SCUBE1: variants seen among roughly 807,000 people sequenced by gnomAD.
SCUBE1 encodes signal peptide, CUB and EGF-like domain-containing protein 1.
SCUBE1 carries 59 observed loss-of-function variants against 124.4 expected under a neutral mutation model. The observed-to-expected ratio is 0.47, with a 90% CI of 0.38 to 0.59. The LOEUF is 0.59. SCUBE1 is among the 20% of genes least tolerant of loss of function. SCUBE1 has a pLI of 0.00. For synonymous variants in SCUBE1, 545 were observed against 550.9 expected (o/e 0.99, Z 0.15); for missense variants, 1,150 against 1,371.2 (o/e 0.84, Z 2.55).
intron 3 of SCUBE1, among the ~76,000 whole-genome samples, chr22:43,301,256 C>T (rs1238439062): frequency 6.6e-6 from 1 of 152,168 alleles, no homozygotes; most frequent in African/African-American, 2.4e-5. Flanking sequence ...TCCCTGCCTC[C>T]ATCCTGCCTC....
rs900245581 is a variant in SCUBE1, at chr22:43,335,479, T to C, written c.220+3625A>G. 5.3e-5 allele frequency among the ~76,000 whole-genome samples: 8 copies of C among 152,236 alleles called. 1 individual carries two copies. The highest frequency in any genetic ancestry group is 1.9e-4 in the East Asian group (1 of 5,178). On this transcript the variant is annotated intron_variant, in intron 2 of 21. Coordinates refer to ENST00000360835, the MANE Select transcript of SCUBE1 (RefSeq NM_173050.5). ...GCCCATAACCAAACGATGTCCTCCTTTTGGTTCCTAACAATTGTTCTCATA... is the reference window on the plus strand; with the variant it reads ...GCCCATAACCAAACGATGTCCTCCTCTTGGTTCCTAACAATTGTTCTCATA...
At chr22:43,207,071 C>CT (rs1416274264) in intron 21 of SCUBE1, among the ~76,000 whole-genome samples, 1 of 152,204 alleles carries the variant, frequency 6.6e-6, no homozygotes, top group African/African-American at 2.4e-5. Flanking sequence ...CCCCAGGCCT[C>CT]TGGCCAGTAC....
chr22:43,295,243 T>C (rs1228663156), intron 3 of SCUBE1, among the ~76,000 whole-genome samples: 2 of 152,054 alleles, frequency 1.3e-5, no homozygotes, highest in Non-Finnish European at 2.9e-5. Flanking sequence ...CTCCGTGTAG[T>C]CTTTCTGGTG....
At chr22:43,280,517 G>GCTGTCCCTTCCCCTCACCCCTCCTC (rs1924750927) in intron 4 of SCUBE1, among the ~76,000 whole-genome samples, 1 of 33,120 alleles carries the variant, frequency 3.0e-5, no homozygotes, top group Non-Finnish European at 4.8e-5. Context: ...CACCCATCCT[G>GCTGTCCCTTCCCCTCACCCCTCCTC]CTGTCCCTTC....
At chr22:43,238,810 G>A in intron 7 of SCUBE1, 28 bp downstream of exon 7, 1 of 1,575,534 alleles carries the variant, frequency 6.3e-7, no homozygotes, top group Non-Finnish European at 8.7e-7. Flanking sequence ...GTACAGGCAG[G>A]GGCACCCACA....
At chr22:43,270,890 G>A (rs1411539460) in intron 4 of SCUBE1, among the ~76,000 whole-genome samples, 1 of 152,170 alleles carries the variant, frequency 6.6e-6, no homozygotes, top group Admixed American at 6.5e-5. Context: ...CAAAGGGTTA[G>A]GCTGAAAGTT....
At chr22:43,239,972 G>C (rs1051776255) in intron 6 of SCUBE1, among the ~76,000 whole-genome samples, 7 of 152,166 alleles carry the variant, frequency 4.6e-5, no homozygotes, top group Admixed American at 1.3e-4. Flanking sequence ...TCTGCAGGCT[G>C]GGGGGAGTCA....
intron 13 of SCUBE1, among the ~76,000 whole-genome samples, chr22:43,220,966 C>T (rs1922064673): frequency 1.3e-5 from 2 of 152,192 alleles, no homozygotes; most frequent in Non-Finnish European, 1.5e-5. Flanking sequence ...GTGCCTTCCT[C>T]CGGGGCCCCT....
intron 3 of SCUBE1, among the ~76,000 whole-genome samples, chr22:43,313,332 C>T (rs1926234651): frequency 6.6e-6 from 1 of 152,182 alleles, no homozygotes; most frequent in African/African-American, 2.4e-5. Context: ...GTCCAAAATT[C>T]AAACTGTGAG....
intron 6 of SCUBE1, among the ~76,000 whole-genome samples, chr22:43,244,088 C>T (rs890259755): frequency 1.1e-4 from 17 of 152,008 alleles, no homozygotes; most frequent in Non-Finnish European, 2.1e-4. Context: ...TATGGAGTGG[C>T]GGGGGGCATG....
chr22:43,227,884 G>A (rs577119059), intron 9 of SCUBE1, among the ~76,000 whole-genome samples: 1 of 152,266 alleles, frequency 6.6e-6, no homozygotes, highest in South Asian at 2.1e-4. Context: ...TTCTAGCCCC[G>A]GGTCCCCTGT....
rs1467500782 is a variant in SCUBE1, at chr22:43,221,158, G to A, written c.1549+15C>T. On this transcript the variant is annotated intron_variant, in intron 13 of 21. Coordinates refer to ENST00000360835, the MANE Select transcript of SCUBE1 (RefSeq NM_173050.5). ...GCCCCGTTGGTGTGGGTTAGGAGCA[G>A]GGCGTCCCACTCACCCAGCAGCGGC... 2.5e-6 allele frequency: 4 copies of A among 1,596,178 alleles called. No homozygotes were observed. Among genetic ancestry groups the A allele is most frequent in the South Asian group, 2.2e-5 (2 of 90,846 alleles).
At chr22:43,289,600 A>G (rs1216761791) in intron 4 of SCUBE1, among the ~76,000 whole-genome samples, 1 of 152,178 alleles carries the variant, frequency 6.6e-6, no homozygotes, top group Non-Finnish European at 1.5e-5. Flanking sequence ...CTTTCTCAGG[A>G]ACTGTTTTCT....
chr22:43,199,389 T>G lies in SCUBE1; in HGVS notation c.*4608A>C, dbSNP rs1920970655. On this transcript the variant is annotated 3_prime_UTR_variant, in exon 22 of 22. Coordinates refer to ENST00000360835, the MANE Select transcript of SCUBE1 (RefSeq NM_173050.5). ...TGCGTCTCTTAAGAACGAGCGTGCA[T>G]GAAAAGGGGGGCCATTCAGACAGAA... 1 of 151,552 alleles carries G rather than the reference T, an allele frequency of 6.6e-6. No individual in the cohort carries two copies. The highest frequency in any genetic ancestry group is 2.4e-5 in the African/African-American group (1 of 40,842). 9.4% of individuals were successfully genotyped at this position (151,552 alleles called of 1,614,324 possible). A position where few individuals can be genotyped will look rare whatever the true frequency, so the allele number is the denominator to read the frequency against.
intron 5 of SCUBE1, among the ~76,000 whole-genome samples, chr22:43,261,716 G>A (rs865864558): frequency 6.6e-6 from 1 of 152,184 alleles, no homozygotes; most frequent in East Asian, 1.9e-4. Flanking sequence ...AGTTGGAACT[G>A]GACACTTCTC....
chr22:43,315,096 G>A (rs1926299815), intron 3 of SCUBE1, among the ~76,000 whole-genome samples: 1 of 151,964 alleles, frequency 6.6e-6, no homozygotes, highest in Non-Finnish European at 1.5e-5. Flanking sequence ...CCACCATGGG[G>A]ACAAACCAAA....
Position 43,204,134 on chromosome 22 carries a change from T to C in SCUBE1, c.2830A>G (p.Lys944Glu), listed in dbSNP as rs776993356. The C allele has an allele frequency of 1.4e-5, 23 of 1,613,828 alleles. No individual in the cohort carries two copies. The Middle Eastern group carries it at 6.6e-4, about 46-fold the overall frequency. Residue 944 changes from lysine to glutamate, a missense_variant, in exon 22 of 22, where the codon AAG (lysine) becomes GAG (glutamate). Physicochemically the swap from Lys to Glu is moderately conservative, Grantham distance 56 (BLOSUM62 1). Coordinates refer to ENST00000360835, the MANE Select transcript of SCUBE1 (RefSeq NM_173050.5). ...TGCGCCAGCACGTCGAAGAGGGCCT[T>C]GATCAGCTTCTTGTCCTGTAAGATA... ...QEILKDKKLI[K>E]ALFDVLAHPQ...
intron 9 of SCUBE1, 91 bp from the exon 10 acceptor site, chr22:43,227,587 C>T: frequency 6.6e-7 from 1 of 1,515,708 alleles, no homozygotes; most frequent in Non-Finnish European, 9.0e-7. Context: ...GGGCAAGAAT[C>T]TCCTGACCCC....
At chr22:43,331,976 G>A (rs1236125563) in intron 2 of SCUBE1, among the ~76,000 whole-genome samples, 1 of 152,188 alleles carries the variant, frequency 6.6e-6, no homozygotes, top group East Asian at 1.9e-4. Context: ...AAGACAGTGA[G>A]GCTGGGTGGG....
Sources: allele counts gnomAD v4.1 joint callset (sites outside exome capture counted in the v4.1 genomes callset), GRCh38; gene constraint gnomAD v4.1.1; transcripts MANE v1.5; gene names NCBI Gene and HGNC (gene_info 2026-07-23, HGNC 2026-07-21).